Variants in KIF21A observed in about 807,000 individuals in gnomAD.
KIF21A encodes the protein kinesin-like protein KIF21A.
A neutral mutation model predicts 202.9 loss-of-function variants in KIF21A; 114 were observed. The observed-to-expected ratio is 0.56, with a 90% CI of 0.48 to 0.66. KIF21A has a LOEUF of 0.66. Ranked by LOEUF, KIF21A falls within the 30% of genes least tolerant of loss-of-function variation. KIF21A has a pLI of 0.00. For synonymous variants in KIF21A, 667 were observed against 670.8 expected (o/e 0.99, Z 0.09); for missense variants, 1,677 against 1,994.9 (o/e 0.84, Z 3.04).
At chr12:39,315,483 G>A (rs879742525) in intron 30 of KIF21A, among the ~76,000 whole-genome samples, 3 of 151,172 alleles carry the variant, frequency 2.0e-5, no homozygotes, top group Non-Finnish European at 4.4e-5. Context: ...TTTAATTTTT[G>A]GTATAATAGT....
At chr12:39,417,474 G>GGCTA (rs1311006743) in intron 1 of KIF21A, among the ~76,000 whole-genome samples, 1 of 151,890 alleles carries the variant, frequency 6.6e-6, no homozygotes, top group Non-Finnish European at 1.5e-5. Flanking sequence ...TATATTAGCC[G>GGCTA]GCTACTTTTT....
At chr12:39,409,596 T>C (rs1022467012) in intron 1 of KIF21A, among the ~76,000 whole-genome samples, 2 of 151,520 alleles carry the variant, frequency 1.3e-5, no homozygotes, top group African/African-American at 4.9e-5. Flanking sequence ...GATAACAGAA[T>C]TGTGATAATA....
At chr12:39,379,125 T>C (rs560232358) in intron 1 of KIF21A, among the ~76,000 whole-genome samples, 1 of 152,112 alleles carries the variant, frequency 6.6e-6, no homozygotes, top group African/African-American at 2.4e-5. Context: ...AGGCCATGAG[T>C]TCGAGACCAC....
intron 1 of KIF21A, among the ~76,000 whole-genome samples, chr12:39,424,963 CCT>C (rs1262557600): frequency 1.3e-5 from 2 of 152,106 alleles, no homozygotes; most frequent in African/African-American, 4.8e-5. Flanking sequence ...AATGATCTTA[CCT>C]CTCTACCTAC....
At chr12:39,431,773 A>C (rs1937946777) in intron 1 of KIF21A, among the ~76,000 whole-genome samples, 1 of 152,244 alleles carries the variant, frequency 6.6e-6, no homozygotes, top group Admixed American at 6.5e-5. Flanking sequence ...AATCTGCTAC[A>C]GAGGCAACAG....
chr12:39,435,767 T>A (rs940166634), intron 1 of KIF21A, among the ~76,000 whole-genome samples: 1 of 150,708 alleles, frequency 6.6e-6, no homozygotes, highest in African/African-American at 2.4e-5. Context: ...AGAACCAAAG[T>A]GGGAGGAAGC....
intron 1 of KIF21A, among the ~76,000 whole-genome samples, chr12:39,380,066 CA>C (rs1161378700): frequency 3.3e-5 from 5 of 152,218 alleles, no homozygotes; most frequent in South Asian, 2.1e-4. Flanking sequence ...CTCCCAGGTT[CA>C]GGCAATTCTC....
intron 1 of KIF21A, among the ~76,000 whole-genome samples, chr12:39,411,745 C>G (rs1459877347): frequency 6.6e-6 from 1 of 152,112 alleles, no homozygotes; most frequent in Non-Finnish European, 1.5e-5. Context: ...CTATGTTGCT[C>G]AGGCTGATCT....
chr12:39,304,169 A>C (rs112003469), intron 35 of KIF21A, among the ~76,000 whole-genome samples: 1 of 152,074 alleles, frequency 6.6e-6, no homozygotes, highest in East Asian at 1.9e-4. Flanking sequence ...CCCATCTCTC[A>C]TTTCTTAATC....
At chr12:39,373,718 G>A (rs1799767260) in intron 1 of KIF21A, among the ~76,000 whole-genome samples, 1 of 152,226 alleles carries the variant, frequency 6.6e-6, no homozygotes, top group Admixed American at 6.5e-5. Context: ...AGAAAAACTA[G>A]GTGCCATTTG....
At chr12:39,406,478 T>A (rs980110582) in intron 1 of KIF21A, among the ~76,000 whole-genome samples, 9 of 152,198 alleles carry the variant, frequency 5.9e-5, no homozygotes, top group Non-Finnish European at 5.9e-5. Context: ...CATACTTTAA[T>A]GTCCAATCAA....
At chr12:39,310,566 T>G (rs1398851262) in intron 32 of KIF21A, among the ~76,000 whole-genome samples, 1 of 152,070 alleles carries the variant, frequency 6.6e-6, no homozygotes, top group East Asian at 1.9e-4. Context: ...ACATATTCCA[T>G]TTTTCAACCC....
chr12:39,361,857 A>C (rs1246275277), intron 7 of KIF21A, among the ~76,000 whole-genome samples: 1 of 152,206 alleles, frequency 6.6e-6, no homozygotes, highest in Non-Finnish European at 1.5e-5. Context: ...AAAAGGATTT[A>C]ATATTATCCA....
In KIF21A at chr12:39,442,820, C is replaced by A; in HGVS notation, c.44+107G>T. The A allele has an allele frequency of 7.4e-7, 1 of 1,350,340 alleles. No homozygotes were observed. Among genetic ancestry groups the A allele is most frequent in the Non-Finnish European group, 1.0e-6 (1 of 991,636 alleles). The allele number at this position is 1,350,340 out of a possible 1,614,324, so 83.6% of individuals were successfully genotyped here. A position where few individuals can be genotyped will look rare whatever the true frequency, so the allele number is the denominator to read the frequency against. On this transcript the variant is annotated intron_variant, in intron 1 of 37. Transcript: ENST00000361418. This position sits in a 1 kb window ranked among gnomAD's most constrained non-coding sequence, Gnocchi z 5.0. The stretch of plus-strand genomic sequence containing the variant: ...TCAGCCGCAGAACCCGGCCGGGACG[C>A]CCCTCAGGTCGCTCCACCCCGGTAG...
intron 12 of KIF21A, among the ~76,000 whole-genome samples, chr12:39,344,791 A>G (rs1158125994): frequency 6.6e-6 from 1 of 152,202 alleles, no homozygotes; most frequent in Non-Finnish European, 1.5e-5. Flanking sequence ...AGGCAAATTG[A>G]TATCTAAAAT....
rs551732526 is a variant in KIF21A at position 39,302,953 on chromosome 12, G to C, written c.4731+12C>G. 4.9e-5 allele frequency: 79 copies of C among 1,610,946 alleles called. 1 individual carries two copies. In the South Asian group the frequency reaches 8.5e-4, roughly 17 times the overall value. ...AATGCCCACTCTATACCATGAAAAG[G>C]TTCTGCATTACCTGAAGAAGGTCTT... On this transcript the variant is annotated intron_variant, in intron 36 of 37. Transcript: ENST00000361418.
intron 1 of KIF21A, among the ~76,000 whole-genome samples, chr12:39,392,897 T>TA (rs1592514589): frequency 1.4e-5 from 2 of 142,504 alleles, no homozygotes; most frequent in East Asian, 4.1e-4. Flanking sequence ...GACAATAAAA[T>TA]AAAAAGATAA....
chr12:39,415,308 C>G (rs1306300357), intron 1 of KIF21A, among the ~76,000 whole-genome samples: 1 of 132,332 alleles, frequency 7.6e-6, no homozygotes, highest in Non-Finnish European at 1.5e-5. Context: ...GGCGCGATCT[C>G]GAATCACGGC....
At chr12:39,307,491 C>G (rs1943588732) in intron 34 of KIF21A, 74 bp downstream of exon 34, 2 of 1,431,856 alleles carry the variant, frequency 1.4e-6, no homozygotes, top group Non-Finnish European at 2.0e-6. Context: ...TTGGATTTCA[C>G]ATGCACTAAT....
Sources: allele counts gnomAD v4.1 joint callset (sites outside exome capture counted in the v4.1 genomes callset), GRCh38; gene constraint gnomAD v4.1.1; non-coding constraint Gnocchi (gnomAD v3.1); transcripts MANE v1.5; gene names NCBI Gene and HGNC (gene_info 2026-07-23, HGNC 2026-07-21).